NPHP4: variants seen among roughly 807,000 people sequenced by gnomAD.
NPHP4 encodes the protein nephrocystin-4.
NPHP4 carries 151 observed loss-of-function variants against 155.8 expected under a neutral mutation model. The observed-to-expected ratio is 0.97, with a 90% CI of 0.85 to 1.11. The LOEUF (loss-of-function observed/expected upper bound fraction) is 1.11. Ranked by LOEUF, NPHP4 falls within the 50% of genes least tolerant of loss-of-function variation. The pLI is 0.00. For synonymous variants in NPHP4, 845 were observed against 816.8 expected (o/e 1.03, Z -0.59); for missense variants, 1,956 against 1,925.7 (o/e 1.02, Z -0.29).
At chr1:5,988,762 G>A (rs1380246000) in intron 1 of NPHP4, among the ~76,000 whole-genome samples, 2 of 151,532 alleles carry the variant, frequency 1.3e-5, no homozygotes, top group Non-Finnish European at 2.9e-5. Flanking sequence ...CCAGGGTCCC[G>A]CCTCCACCCA....
rs535661857 is a variant in NPHP4, at chr1:5,961,693, C to T, written c.673+101G>A. The T allele has an allele frequency of 6.2e-5, 71 of 1,153,308 alleles. No individual in the cohort carries two copies. In the African/African-American group the frequency reaches 6.5e-4, roughly 11 times the overall value. 71.4% of individuals were successfully genotyped at this position (1,153,308 alleles called of 1,614,324 possible). A position where few individuals can be genotyped will look rare whatever the true frequency, so the allele number is the denominator to read the frequency against. On this transcript the variant is annotated intron_variant, in intron 6 of 29. Transcript: ENST00000378156. ...TGCTGCTGAGCTGCAGAGGGGCGCT[C>T]GGCCCACGCTGCCCCCAGAAGAGCC...
chr1:5,941,636 G>A (rs566404971), intron 9 of NPHP4, among the ~76,000 whole-genome samples: 2 of 152,306 alleles, frequency 1.3e-5, no homozygotes, highest in African/African-American at 4.8e-5. Context: ...ATGAAGATGA[G>A]CCTGAAGCAT....
Position 5,986,796 on chromosome 1 carries a change from C to T in NPHP4, c.-38-469G>A, listed in dbSNP as rs566592608. On this transcript the variant is annotated intron_variant, in intron 1 of 29. Coordinates refer to ENST00000378156, the MANE Select transcript of NPHP4 (RefSeq NM_015102.5). ...CAGACTCAGGGCACGACTCTCCTGA[C>T]CTCTGTGGCTGGTTCCGGATGGGGA... Among the ~76,000 whole-genome samples the T allele has an allele frequency of 1.3e-4, 20 of 152,272 alleles. No individual in the cohort carries two copies. The East Asian group carries it at 3.7e-3, about 28-fold the overall frequency.
intron 26 of NPHP4, chr1:5,866,040 T>C (rs1329420980): frequency 2.8e-6 from 1 of 358,964 alleles, no homozygotes; most frequent in African/African-American, 2.1e-5. Flanking sequence ...TCATTCATGC[T>C]GTTCAGCCTA....
At chr1:5,900,442 GA>G (rs1196936910) in intron 16 of NPHP4, among the ~76,000 whole-genome samples, 4 of 152,192 alleles carry the variant, frequency 2.6e-5, no homozygotes, top group Admixed American at 6.5e-5. Flanking sequence ...GTGCTGGGGG[GA>G]AGAAACCAGT....
intron 7 of NPHP4, among the ~76,000 whole-genome samples, chr1:5,948,498 C>T (rs560914045): frequency 6.6e-5 from 10 of 152,318 alleles, no homozygotes; most frequent in Non-Finnish European, 1.0e-4. Context: ...CTCTCAGCAA[C>T]GCACACCCTC....
intron 1 of NPHP4, among the ~76,000 whole-genome samples, chr1:5,991,718 C>G (rs1332563062): frequency 1.2e-4 from 18 of 151,906 alleles, no homozygotes; most frequent in Non-Finnish European, 1.5e-4. Flanking sequence ...CGCAGGGACG[C>G]CCGAAGGCCG....
In NPHP4 at chr1:5,880,283, GA is replaced by G. The variant is rs758614570; in HGVS notation, c.2486-45del. 3.1e-6 allele frequency: 5 copies of G among 1,604,350 alleles called. No homozygotes were observed. In the East Asian group the frequency reaches 1.1e-4, roughly 36 times the overall value. On this transcript the variant is annotated intron_variant, in intron 18 of 29. Coordinates refer to ENST00000378156, the MANE Select transcript of NPHP4 (RefSeq NM_015102.5). ...AACATAAGACATGAACCCCAAATGAGAATCTGATGAAACAGATCAACCCACC... is the reference window on the plus strand; with the variant it reads ...AACATAAGACATGAACCCCAAATGAGATCTGATGAAACAGATCAACCCACC...
intron 12 of NPHP4, 151 bp downstream of exon 12, chr1:5,909,001 T>A: frequency 1.4e-6 from 1 of 716,658 alleles, no homozygotes; most frequent in Non-Finnish European, 2.5e-6. Context: ...ACAGACAGGG[T>A]AGGAGGGGAC....
chr1:5,909,446 G>C (rs2101248124), intron 11 of NPHP4, among the ~76,000 whole-genome samples: 1 of 152,268 alleles, frequency 6.6e-6, no homozygotes, highest in East Asian at 1.9e-4. Flanking sequence ...GGTACAGCTG[G>C]CCTCGTCCTC....
At chr1:5,977,173 C>T (rs1014996286) in intron 3 of NPHP4, among the ~76,000 whole-genome samples, 4 of 152,144 alleles carry the variant, frequency 2.6e-5, no homozygotes, top group African/African-American at 9.7e-5. Flanking sequence ...ATGGGAAAGG[C>T]CTCCATGACA....
At chr1:5,957,415 T>C (rs890956916) in intron 6 of NPHP4, among the ~76,000 whole-genome samples, 1 of 152,160 alleles carries the variant, frequency 6.6e-6, no homozygotes, top group Non-Finnish European at 1.5e-5. Flanking sequence ...GCTCTTCTGC[T>C]AGGGATATTT....
chr1:5,866,441 C>A lies in NPHP4; in HGVS notation c.3576G>T (p.Arg1192=). The change falls in exon 26 of 30, where the codon CGG becomes CGT. Residue 1192 remains arginine (R), a synonymous_variant. Transcript: ENST00000378156. ...CACTGGCCACCTTCAGAAATATGTC[C>A]CGTGGTTCCCCGGGGCCCTGCCAAC... is the stretch of plus-strand genomic sequence containing the variant. ...ETQNVGPGEP[R]DIFLKVASGP... 1 of 1,600,254 alleles carries A rather than the reference C, an allele frequency of 6.2e-7. No homozygotes were observed. Among genetic ancestry groups the A allele is most frequent in the Non-Finnish European group, 8.5e-7 (1 of 1,172,380 alleles).
chr1:5,864,585 G>C (rs999117902), intron 27 of NPHP4, 68 bp from the exon 28 acceptor site: 15 of 1,379,836 alleles, frequency 1.1e-5, no homozygotes, highest in African/African-American at 2.9e-5. Flanking sequence ...GCTCCTGGGC[G>C]CCTGCAGCCC....
chr1:5,913,029 T>C (rs1557720737), intron 11 of NPHP4, among the ~76,000 whole-genome samples: 1 of 151,906 alleles, frequency 6.6e-6, no homozygotes, highest in Non-Finnish European at 1.5e-5. Flanking sequence ...CACGCGCCTG[T>C]AATCCTAGCT....
At chr1:5,911,728 TC>T (rs1645187544) in intron 11 of NPHP4, among the ~76,000 whole-genome samples, 1 of 152,064 alleles carries the variant, frequency 6.6e-6, no homozygotes, top group Non-Finnish European at 1.5e-5. Flanking sequence ...AAAACTCAGA[TC>T]CAACCGGTGA....
chr1:5,985,413 G>A (rs1470625958), intron 2 of NPHP4, among the ~76,000 whole-genome samples: 2 of 152,342 alleles, frequency 1.3e-5, no homozygotes, highest in East Asian at 1.9e-4. Flanking sequence ...TGGATGTGCC[G>A]CCATCAGGGC....
chr1:5,874,361 C>T (rs1445665590), intron 22 of NPHP4, 110 bp downstream of exon 22: 3 of 1,102,164 alleles, frequency 2.7e-6, no homozygotes, highest in Non-Finnish European at 3.8e-6. Context: ...AGCCCCAAGG[C>T]TAGTCTGTCT....
chr1:5,929,377 T>C (rs544363950), intron 10 of NPHP4, among the ~76,000 whole-genome samples: 3 of 152,340 alleles, frequency 2.0e-5, no homozygotes, highest in Admixed American at 1.3e-4. Context: ...TACTTGTTCC[T>C]AATCTTAGGG....
Sources: gnomAD v4.1 joint callset for allele counts (sites outside exome capture counted in the v4.1 genomes callset) on GRCh38, gnomAD v4.1.1 for gene constraint, MANE v1.5 for transcripts, NCBI Gene and HGNC (gene_info 2026-07-23, HGNC 2026-07-21) for gene names.